Variants in AQP6 observed in about 807,000 individuals in gnomAD.
The protein encoded by AQP6 is aquaporin 6.
A neutral mutation model predicts 16.3 loss-of-function variants in AQP6; 14 were observed. The ratio of observed to expected loss-of-function variants is 0.86; its 90% confidence interval spans 0.57 to 1.34. The LOEUF is 1.34. Among genes scored for constraint, AQP6 ranks in the 40% most tolerant of loss-of-function variants. AQP6 has a pLI of 0.00. For synonymous variants in AQP6, 178 were observed against 166.8 expected (o/e 1.07, Z -0.52); for missense variants, 331 against 379.7 (o/e 0.87, Z 1.07).
In AQP6 at chr12:49,975,836, G is replaced by A; in HGVS notation, c.*165G>A. 3.1e-6 allele frequency: 3 copies of A among 976,514 alleles called. No individual in the cohort carries two copies. In the South Asian group the frequency reaches 7.9e-5, roughly 26 times the overall value. The allele number at this position is 976,514 out of a possible 1,614,324, so 60.5% of individuals were successfully genotyped here. On this transcript the variant is annotated 3_prime_UTR_variant, in exon 4 of 4. Coordinates refer to ENST00000315520, the MANE Select transcript of AQP6 (RefSeq NM_001652.4). The surrounding 1 kb of genome is among the most constrained non-coding windows in gnomAD (Gnocchi z 4.4). ...GCATTACGTTTCTAGGTAGAATCTG[G>A]GAGTGAATTTGTCCCATTCCCTCTC... is the stretch of plus-strand genomic sequence containing the variant.
rs140178530 is a variant in AQP6, at chr12:49,973,399, G to T, written c.226G>T (p.Ala76Ser). 6.2e-7 allele frequency: 1 copy of T among 1,612,828 alleles called. No individual in the cohort carries two copies. Among genetic ancestry groups the T allele is most frequent in the Non-Finnish European group, 8.5e-7 (1 of 1,180,032 alleles). Reference protein sequence around the residue: ...TAMAVQVTWKASGAHANPAVT... With the variant: ...TAMAVQVTWKSSGAHANPAVT... ...CATGGCTGTGCAGGTCACCTGGAAG[G>T]CCAGCGGGGCCCACGCCAACCCCGC... The change falls in exon 1 of 4, where the codon GCC becomes TCC. Residue 76 changes from alanine to serine, a missense_variant. Transcript: ENST00000315520.
At position 49,973,496 on chromosome 12, in the gene AQP6, TGGTGGGGGCCAC is replaced by T. The variant is rs758638227; in HGVS notation, c.333_344del (p.Thr112_Ala115del). 32 of 1,613,710 alleles carry T rather than the reference TGGTGGGGGCCAC, an allele frequency of 2.0e-5. No homozygotes were observed. Among genetic ancestry groups the T allele is most frequent in the Non-Finnish European group, 2.4e-5 (28 of 1,179,998 alleles). On this transcript the variant is annotated inframe_deletion, in exon 1 of 4. Transcript: ENST00000315520. The stretch of plus-strand genomic sequence containing the variant: ...GCTGTGGCCTATGTGGCTGCCCAGC[TGGTGGGGGCCAC>T]GGTGGGGGCTGCTCTGCTTTATGGG...
Position 49,973,144 on chromosome 12 carries a change from C to A in AQP6, c.-30C>A. On this transcript the variant is annotated 5_prime_UTR_variant, in exon 1 of 4. Transcript: ENST00000315520. ...GAGGAACAGAGAAGAGGCCCCAGAGCAAGGCAAGGAACGGCCAAGGCACCA... is the reference window on the plus strand; with the variant it reads ...GAGGAACAGAGAAGAGGCCCCAGAGAAAGGCAAGGAACGGCCAAGGCACCA... The A allele has an allele frequency of 6.4e-7, 1 of 1,571,958 alleles. No individual in the cohort carries two copies. The highest frequency in any genetic ancestry group is 8.6e-7 in the Non-Finnish European group (1 of 1,157,522).
At chr12:49,973,718 G>A (rs1010276796) in intron 1 of AQP6, 143 bp downstream of exon 1, 44 of 1,276,264 alleles carry the variant, frequency 3.4e-5, no homozygotes, top group Non-Finnish European at 4.2e-5. Flanking sequence ...TGGGCCCCAG[G>A]ACCCAGAGGA....
At position 49,973,038 on chromosome 12, in the gene AQP6, G is replaced by A. The variant is rs1947539777; in HGVS notation, c.-136G>A. On this transcript the variant is annotated 5_prime_UTR_variant, in exon 1 of 4. Coordinates refer to ENST00000315520, the MANE Select transcript of AQP6 (RefSeq NM_001652.4). ...GCGTGGTGGAGGAGCTGCAGGTGGG[G>A]GCCAGAGAAGCCTCCACAGAGAGCA... is the stretch of plus-strand genomic sequence containing the variant. 4.8e-6 allele frequency: 6 copies of A among 1,240,216 alleles called. No individual in the cohort carries two copies. The South Asian group carries it at 9.5e-5, about 20-fold the overall frequency. The allele number at this position is 1,240,216 out of a possible 1,614,324, so 76.8% of individuals were successfully genotyped here. A position where few individuals can be genotyped will look rare whatever the true frequency, so the allele number is the denominator to read the frequency against.
At chr12:49,974,568 C>T in intron 2 of AQP6, 86 bp downstream of exon 2, 1 of 1,485,902 alleles carries the variant, frequency 6.7e-7, no homozygotes. Flanking sequence ...CAGGCAGTGT[C>T]CCTCCCTGAG....
In AQP6 at chr12:49,975,945, G is replaced by A. The variant is rs934395627; in HGVS notation, c.*274G>A. 9.4e-6 allele frequency: 3 copies of A among 318,436 alleles called. No individual in the cohort carries two copies. The highest frequency in any genetic ancestry group is 4.8e-5 in the Admixed American group (1 of 20,918). 19.7% of individuals were successfully genotyped at this position (318,436 alleles called of 1,614,324 possible). A position where few individuals can be genotyped will look rare whatever the true frequency, so the allele number is the denominator to read the frequency against. The stretch of plus-strand genomic sequence containing the variant: ...CGCCCTCCCATCCTCTCACCCACTG[G>A]ACCCCGTAGGAGTCCTGACCCCAGA... On this transcript the variant is annotated 3_prime_UTR_variant, in exon 4 of 4. Transcript: ENST00000315520. The surrounding 1 kb of genome is among the most constrained non-coding windows in gnomAD (Gnocchi z 4.4).
chr12:49,974,895 CT>C (rs1315917760), intron 3 of AQP6, 69 bp downstream of exon 3: 2 of 1,588,650 alleles, frequency 1.3e-6, no homozygotes, highest in Non-Finnish European at 1.7e-6. Context: ...GTGGGTTTCA[CT>C]TGCAGCTTCC....
Position 49,976,942 on chromosome 12 carries a change from A to C in AQP6, c.*1271A>C, listed in dbSNP as rs928049081. 2.9e-6 allele frequency: 2 copies of C among 699,326 alleles called. No individual in the cohort carries two copies. The highest frequency in any genetic ancestry group is 3.5e-5 in the African/African-American group (2 of 57,056). 43.3% of individuals were successfully genotyped at this position (699,326 alleles called of 1,614,324 possible). On this transcript the variant is annotated 3_prime_UTR_variant, in exon 4 of 4. Transcript: ENST00000315520. ...TGCCTCTGAAAGACTACCAAAATCTAAGTTGGTTTAATAGTTAAAAGCTGC... is the reference window on the plus strand; with the variant it reads ...TGCCTCTGAAAGACTACCAAAATCTCAGTTGGTTTAATAGTTAAAAGCTGC...
intron 1 of AQP6, 152 bp downstream of exon 1, chr12:49,973,727 G>A: frequency 7.9e-7 from 1 of 1,262,566 alleles, no homozygotes; most frequent in East Asian, 2.6e-5. Flanking sequence ...GGACCCAGAG[G>A]ACTGAGACTT....
At chr12:49,973,858 G>A in intron 1 of AQP6, 1 of 1,244,216 alleles carries the variant, frequency 8.0e-7, no homozygotes, top group Non-Finnish European at 1.0e-6. Context: ...ATGCGGCCAA[G>A]GGAGTGCGGG....
At chr12:49,973,830 C>G (rs1947549588) in intron 1 of AQP6, 1 of 1,166,836 alleles carries the variant, frequency 8.6e-7, no homozygotes, top group Non-Finnish European at 1.1e-6. Context: ...AATAGAAGGA[C>G]CAGGCGTTTA....
intron 1 of AQP6, chr12:49,974,084 T>G: frequency 8.0e-7 from 1 of 1,246,480 alleles, no homozygotes; most frequent in Non-Finnish European, 1.0e-6. Context: ...GCAAGCCTCC[T>G]GAACCACTGG....
chr12:49,975,497 C>T lies in AQP6; in HGVS notation c.675C>T (p.Leu225=), dbSNP rs770611770. The T allele has an allele frequency of 8.7e-6, 14 of 1,611,562 alleles. No individual in the cohort carries two copies. In the South Asian group the frequency reaches 1.4e-4, roughly 16 times the overall value. Residue 225 remains leucine, a synonymous_variant, in exon 4 of 4, where the codon CTC becomes CTT. Coordinates refer to ENST00000315520, the MANE Select transcript of AQP6 (RefSeq NM_001652.4). The surrounding 1 kb of genome is among the most constrained non-coding windows in gnomAD (Gnocchi z 4.4). The part of the protein sequence containing the change: ...VFWVGPLMGA[L]LASLIYNFVL... ...GGGTGGGGCCCCTGATGGGAGCCCT[C>T]CTGGCCTCACTGATCTACAACTTCG...
chr12:49,973,387 GTCA>G lies in AQP6; in HGVS notation c.215_217del (p.Val72_Thr73delinsAla). On this transcript the variant is annotated inframe_deletion, in exon 1 of 4. Coordinates refer to ENST00000315520, the MANE Select transcript of AQP6 (RefSeq NM_001652.4). The stretch of plus-strand genomic sequence containing the variant: ...CCTGGTCACCGCCATGGCTGTGCAG[GTCA>G]CCTGGAAGGCCAGCGGGGCCCACGC... The G allele has an allele frequency of 6.2e-7, 1 of 1,613,140 alleles. No homozygotes were observed.
In AQP6 at chr12:49,973,183, G is replaced by C. The variant is rs1229958334; in HGVS notation, c.10G>C (p.Val4Leu). The C allele has an allele frequency of 1.2e-6, 2 of 1,605,250 alleles. No individual in the cohort carries two copies. The highest frequency in any genetic ancestry group is 3.4e-5 in the Admixed American group (2 of 59,652). The change falls in exon 1 of 4, where the codon GTG becomes CTG. Residue 4 changes from valine to leucine, a missense_variant. Coordinates refer to ENST00000315520, the MANE Select transcript of AQP6 (RefSeq NM_001652.4). MDA[V>L]EPGGRGWASM... The stretch of plus-strand genomic sequence containing the variant: ...GCCAAGGCACCAGGACATGGATGCA[G>C]TGGAGCCAGGGGGACGTGGCTGGGC...
At chr12:49,974,115 G>T in intron 1 of AQP6, 1 of 1,257,968 alleles carries the variant, frequency 7.9e-7, no homozygotes, top group Non-Finnish European at 1.0e-6. Context: ...CCCACTGGTG[G>T]GGTGGGAGGA....
Position 49,975,604 on chromosome 12 carries a change from C to T in AQP6, c.782C>T (p.Ala261Val). 6.2e-7 allele frequency: 1 copy of T among 1,602,744 alleles called. No individual in the cohort carries two copies. The highest frequency in any genetic ancestry group is 1.1e-5 in the South Asian group (1 of 90,050). ...GTAGAGGTGGGGACAGGGGCAGGGGCAGGGGCGGAGCCCCTGAAGAAGGAA... is the reference window on the plus strand; with the variant it reads ...GTAGAGGTGGGGACAGGGGCAGGGGTAGGGGCGGAGCCCCTGAAGAAGGAA... ...GTVEVGTGAG[A>V]GAEPLKKESQ... The change falls in exon 4 of 4, where the codon GCA (alanine) becomes GTA (valine). Residue 261 changes from alanine (A) to valine (V), a missense_variant. Transcript: ENST00000315520. This position sits in a 1 kb window ranked among gnomAD's most constrained non-coding sequence, Gnocchi z 4.4.
chr12:49,973,704 G>A (rs1352922522), intron 1 of AQP6, 129 bp downstream of exon 1: 17 of 1,337,376 alleles, frequency 1.3e-5, no homozygotes, highest in Admixed American at 1.1e-4. Flanking sequence ...ACATCCTCCC[G>A]GGCTGGGCCC....
Sources: allele counts gnomAD v4.1 joint callset, GRCh38; gene constraint gnomAD v4.1.1; non-coding constraint Gnocchi (gnomAD v3.1); transcripts MANE v1.5; gene names NCBI Gene and HGNC (gene_info 2026-07-23, HGNC 2026-07-21).